The following NSUN7 variants were observed in gnomAD, a reference collection of about 807,000 sequenced individuals.
NSUN7 encodes protein NSUN7.
In NSUN7, 39 loss-of-function variants were observed where a neutral mutation model predicts 58.5. The observed-to-expected ratio is 0.67, with a 90% CI of 0.52 to 0.87. NSUN7 has a LOEUF of 0.87. Among genes scored for constraint, NSUN7 ranks in the 40% least tolerant of loss-of-function variants. The probability of loss-of-function intolerance (pLI) is 0.00; values close to 1 mark genes in which losing one functional copy is unlikely to be tolerated. For synonymous variants in NSUN7, 278 were observed against 303.7 expected (o/e 0.92, Z 0.88); for missense variants, 765 against 844.1 (o/e 0.91, Z 1.16).
rs542499957 is a variant in NSUN7, at chr4:40,774,901, A to G, written c.776A>G (p.Asn259Ser). 1.4e-5 allele frequency: 18 copies of G among 1,279,468 alleles called. 1 individual carries two copies. In the South Asian group the frequency reaches 1.7e-4, roughly 12 times the overall value. The allele number at this position is 1,279,468 out of a possible 1,614,324, so 79.3% of individuals were successfully genotyped here. The change falls in exon 6 of 12, where the codon AAT becomes AGT. Residue 259 changes from asparagine (N) to serine (S), a missense_variant. Physicochemically the swap from Asn to Ser is conservative, Grantham distance 46 (BLOSUM62 1). Coordinates refer to ENST00000381782, the MANE Select transcript of NSUN7 (RefSeq NM_024677.6). ...TTAATTTTTCCATCTCATCTTAAAAATGATCTTATAAATATAGATCTTTTC... is the reference window on the plus strand; with the variant it reads ...TTAATTTTTCCATCTCATCTTAAAAGTGATCTTATAAATATAGATCTTTTC... ...DVLIFPSHLK[N>S]DLINIDLFKD...
Position 40,750,776 on chromosome 4 carries a change from C to A in NSUN7, c.83C>A (p.Ser28Tyr), listed in dbSNP as rs1166422360. The change falls in exon 2 of 12, where the codon TCC (serine) becomes TAC (tyrosine). Residue 28 changes from serine (S) to tyrosine (Y), a missense_variant. By Grantham distance (144) the Ser-to-Tyr change is moderately radical. Coordinates refer to ENST00000381782, the MANE Select transcript of NSUN7 (RefSeq NM_024677.6). ...IISQLTSLPL[S>Y]GGKSSAGVPE... ...TCCCAACTCACTTCCCTGCCTCTGT[C>A]CGGTGGGAAAAGCTCAGCTGGTGTG... 6.2e-7 allele frequency: 1 copy of A among 1,614,058 alleles called. No homozygotes were observed. Among genetic ancestry groups the A allele is most frequent in the Non-Finnish European group, 8.5e-7 (1 of 1,180,042 alleles).
chr4:40,800,029 C>G (rs1743512290), intron 10 of NSUN7, among the ~76,000 whole-genome samples: 1 of 152,156 alleles, frequency 6.6e-6, no homozygotes, highest in African/African-American at 2.4e-5. Flanking sequence ...TTATAGTCTT[C>G]TAGATTTTTC....
intron 2 of NSUN7, among the ~76,000 whole-genome samples, chr4:40,755,474 A>G (rs1053542249): frequency 6.6e-5 from 10 of 152,158 alleles, no homozygotes; most frequent in Admixed American, 5.9e-4. Context: ...GGAGAAAGAG[A>G]TATCCCTGAA....
intron 10 of NSUN7, 76 bp from the exon 11 acceptor site, chr4:40,806,985 T>C (rs1374835537): frequency 2.1e-6 from 3 of 1,429,822 alleles, no homozygotes; most frequent in African/African-American, 1.4e-5. Flanking sequence ...GAAAAAAATG[T>C]AGTGTAATTT....
chr4:40,779,341 C>T (rs543969544), intron 7 of NSUN7, among the ~76,000 whole-genome samples: 52 of 152,008 alleles, frequency 3.4e-4, no homozygotes, highest in African/African-American at 1.0e-3. Flanking sequence ...CTGTGGCTCA[C>T]GCTTGTAATC....
intron 4 of NSUN7, among the ~76,000 whole-genome samples, chr4:40,765,566 T>C (rs1465662989): frequency 6.6e-6 from 1 of 151,998 alleles, no homozygotes; most frequent in East Asian, 1.9e-4. Flanking sequence ...CGATGTGGGC[T>C]CTTTTTTGGT....
chr4:40,751,105 G>A, intron 2 of NSUN7, 114 bp downstream of exon 2: 2 of 1,151,206 alleles, frequency 1.7e-6, no homozygotes, highest in African/African-American at 1.5e-5. Context: ...TTGGTTTTAG[G>A]CATGTGCATA....
At chr4:40,786,087 T>C (rs994901449) in intron 7 of NSUN7, 4 of 1,541,698 alleles carry the variant, frequency 2.6e-6, no homozygotes. Flanking sequence ...GCATTTCAAT[T>C]TGGGACATTT....
rs1439327487 is a variant in NSUN7 at position 40,751,072 on chromosome 4, C to A, written c.298+81C>A. 10 of 1,485,652 alleles carry A rather than the reference C, an allele frequency of 6.7e-6. No homozygotes were observed. The East Asian group carries it at 2.3e-4, about 34-fold the overall frequency. The allele number at this position is 1,485,652 out of a possible 1,614,324, so 92.0% of individuals were successfully genotyped here. ...TTGGGGAATGCAGCCCTCCTCCTCC[C>A]TTCCCCTCATTCACACCAGGTTTTG... On this transcript the variant is annotated intron_variant, in intron 2 of 11. Transcript: ENST00000381782.
intron 7 of NSUN7, among the ~76,000 whole-genome samples, chr4:40,778,236 G>T (rs1050756801): frequency 1.3e-5 from 2 of 152,156 alleles, no homozygotes; most frequent in Non-Finnish European, 2.9e-5. Context: ...ATGGAGAGGA[G>T]AAAAGGAATT....
At chr4:40,790,535 C>T (rs533407441) in intron 7 of NSUN7, 67 bp from the exon 8 acceptor site, 1 of 989,944 alleles carries the variant, frequency 1.0e-6, no homozygotes, top group East Asian at 2.7e-5. Flanking sequence ...TAAATAGATA[C>T]AATCACATAC....
At chr4:40,770,848 C>T (rs1263908239) in intron 4 of NSUN7, among the ~76,000 whole-genome samples, 1 of 152,062 alleles carries the variant, frequency 6.6e-6, no homozygotes, top group South Asian at 2.1e-4. Context: ...GTCAAGAGAT[C>T]GAGACCATCT....
At chr4:40,795,843 G>GTT (rs1352470488) in intron 9 of NSUN7, among the ~76,000 whole-genome samples, 1 of 152,206 alleles carries the variant, frequency 6.6e-6, no homozygotes, top group Non-Finnish European at 1.5e-5. Context: ...TAACTGTGCT[G>GTT]AGTCCTTGTT....
At chr4:40,750,478 A>C in intron 1 of NSUN7, 125 bp from the exon 2 acceptor site, 1 of 488,544 alleles carries the variant, frequency 2.0e-6, no homozygotes, top group South Asian at 2.8e-5. Context: ...CCAGGCTCGA[A>C]GTCTGGGACA....
At chr4:40,805,090 G>A (rs1743759486) in intron 10 of NSUN7, among the ~76,000 whole-genome samples, 1 of 152,140 alleles carries the variant, frequency 6.6e-6, no homozygotes, top group South Asian at 2.1e-4. Context: ...TTCTTCTACT[G>A]CTTGCCATCT....
chr4:40,807,998 C>G (rs1396616335), intron 11 of NSUN7, among the ~76,000 whole-genome samples: 1 of 138,160 alleles, frequency 7.2e-6, no homozygotes, highest in African/African-American at 2.8e-5. Context: ...TGAGATCGCA[C>G]CAGCCTGGGC....
intron 7 of NSUN7, chr4:40,786,604 C>T (rs1742834356): frequency 6.2e-7 from 1 of 1,613,010 alleles, no homozygotes; most frequent in Non-Finnish European, 8.5e-7. Context: ...TTGGCATTTG[C>T]AGCCTACCTG....
chr4:40,757,780 A>G (rs1256933047), intron 2 of NSUN7, among the ~76,000 whole-genome samples: 1 of 150,616 alleles, frequency 6.6e-6, no homozygotes, highest in African/African-American at 2.4e-5. Flanking sequence ...CATTCTGCAC[A>G]ATATCAAAGG....
chr4:40,753,295 TAGAC>T (rs1030743575), intron 2 of NSUN7, among the ~76,000 whole-genome samples: 1 of 150,680 alleles, frequency 6.6e-6, no homozygotes, highest in African/African-American at 2.5e-5. Context: ...TTTTTTTTTT[TAGAC>T]AGAGTCTCAC....
Sources: gnomAD v4.1 joint callset for allele counts (sites outside exome capture counted in the v4.1 genomes callset) on GRCh38, gnomAD v4.1.1 for gene constraint, MANE v1.5 for transcripts, NCBI Gene and HGNC (gene_info 2026-07-23, HGNC 2026-07-21) for gene names.